Variants in TCF4 observed in about 807,000 individuals in gnomAD.
TCF4 encodes SL3-3 enhancer factor 2.
TCF4 carries 3 observed loss-of-function variants against 82.1 expected under a neutral mutation model. The observed-to-expected ratio is 0.04, with a 90% CI of 0.02 to 0.09. The LOEUF is 0.09. Among genes scored for constraint, TCF4 ranks in the 10% least tolerant of loss-of-function variants. TCF4 has a pLI of 1.00. For synonymous variants in TCF4, 276 were observed against 309.6 expected, an observed-to-expected ratio of 0.89 and a Z score of 1.14; for missense variants, 518 against 852.7, an observed-to-expected ratio of 0.61 and a Z score of 4.89.
At chr18:55,486,111 A>G (rs549496800) in intron 3 of TCF4, among the ~76,000 whole-genome samples, 7 of 152,352 alleles carry the variant, frequency 4.6e-5, no homozygotes, top group South Asian at 2.1e-4. Context: ...ACCTCTTCAA[A>G]TAAATTATGA....
At chr18:55,269,771 C>T (rs2059957809) in intron 11 of TCF4, 60 bp downstream of exon 11, 2 of 1,608,364 alleles carry the variant, frequency 1.2e-6, no homozygotes, top group Non-Finnish European at 8.5e-7. Context: ...AAAAGAGGTC[C>T]TTGATGATTA....
At chr18:55,472,554 T>C (rs940074712) in intron 3 of TCF4, among the ~76,000 whole-genome samples, 4 of 152,160 alleles carry the variant, frequency 2.6e-5, no homozygotes, top group African/African-American at 9.7e-5. Flanking sequence ...ATCCTACAAA[T>C]AAGAGCCATG....
exon 1 of TCF4, chr18:55,635,853 G>T: frequency 6.4e-7 from 1 of 1,566,868 alleles, no homozygotes; most frequent in Admixed American, 1.9e-5. Flanking sequence ...TGAAGGGAAA[G>T]AGGAGAGGCA....
intron 3 of TCF4, among the ~76,000 whole-genome samples, chr18:55,509,334 GACACACACAC>G (rs35790117): frequency 6.7e-6 from 1 of 150,100 alleles, no homozygotes. Context: ...CACACAGACA[GACACACACAC>G]ACACACACAC....
chr18:55,274,116 C>A (rs926897484), intron 10 of TCF4, among the ~76,000 whole-genome samples: 1 of 152,128 alleles, frequency 6.6e-6, no homozygotes, highest in South Asian at 2.1e-4. Flanking sequence ...CAGTTTTGAC[C>A]ATGAGTTCCC....
chr18:55,405,013 G>T (rs538371372), intron 5 of TCF4, among the ~76,000 whole-genome samples: 1 of 152,206 alleles, frequency 6.6e-6, no homozygotes, highest in Non-Finnish European at 1.5e-5. Context: ...AGACACCATC[G>T]CACAGACTGT....
intron 6 of TCF4, among the ~76,000 whole-genome samples, chr18:55,399,880 TCACA>T (rs398041380): frequency 0.016 from 1,026 of 63,220 alleles, 14 homozygotes; most frequent in East Asian, 0.022. Flanking sequence ...TCTCTCTCTC[TCACA>T]CACACACACA....
At chr18:55,482,209 C>T (rs1027710703) in intron 3 of TCF4, 1 of 152,180 alleles carries the variant, frequency 6.6e-6, no homozygotes, top group African/African-American at 2.4e-5. Flanking sequence ...TCATAGGATT[C>T]CAGATCTACT....
chr18:55,367,615 G>A (rs1447513931), intron 6 of TCF4, among the ~76,000 whole-genome samples: 1 of 152,180 alleles, frequency 6.6e-6, no homozygotes, highest in Non-Finnish European at 1.5e-5. Context: ...TCTAAGCACT[G>A]AAGATAACTG....
chr18:55,480,185 G>C lies in TCF4; in HGVS notation c.146-16048C>G, dbSNP rs1011966972. 2.0e-5 allele frequency among the ~76,000 whole-genome samples: 3 copies of C among 149,280 alleles called. No homozygotes were observed. The Admixed American group carries it at 2.0e-4, about 10-fold the overall frequency. On this transcript the variant is annotated intron_variant, in intron 3 of 19. Transcript: ENST00000354452. Reference sequence around the variant, plus strand: ...TGAATGTATCCTCATCTGTAAAATGGGAATGACCGTATTTACCCTCCAGTA... The same window carrying C: ...TGAATGTATCCTCATCTGTAAAATGCGAATGACCGTATTTACCCTCCAGTA...
intron 3 of TCF4, among the ~76,000 whole-genome samples, chr18:55,514,405 GCACACACACACA>G (rs74182104): frequency 3.1e-5 from 4 of 130,286 alleles, no homozygotes; most frequent in East Asian, 2.1e-4. Context: ...ATCTATCCAT[GCACACACACACA>G]CACACACACA....
intron 5 of TCF4, among the ~76,000 whole-genome samples, chr18:55,453,713 T>A (rs2095672983): frequency 6.6e-6 from 1 of 152,080 alleles, no homozygotes; most frequent in African/African-American, 2.4e-5. Flanking sequence ...AGAATGGAAA[T>A]GTCCTCTGAC....
chr18:55,365,156 A>AATATATATAT (rs139574594), intron 6 of TCF4, among the ~76,000 whole-genome samples: 1,497 of 83,326 alleles, frequency 0.018, 14 homozygotes, highest in Non-Finnish European at 0.022. Context: ...CCATCTCCAA[A>AATATATATAT]ATATATATAT....
intron 6 of TCF4, among the ~76,000 whole-genome samples, chr18:55,375,833 C>A (rs748984821): frequency 6.6e-6 from 1 of 151,684 alleles, no homozygotes; most frequent in South Asian, 2.1e-4. Flanking sequence ...TTGACTGAAG[C>A]CACAAAAGAA....
intron 8 of TCF4, among the ~76,000 whole-genome samples, chr18:55,288,160 T>C (rs571062873): frequency 2.6e-5 from 4 of 152,330 alleles, no homozygotes; most frequent in Admixed American, 2.6e-4. Flanking sequence ...ATCATAGCTA[T>C]AGAACATTTG....
intron 3 of TCF4, 63 bp downstream of exon 3, chr18:55,585,217 T>C (rs2097628140): frequency 3.4e-6 from 5 of 1,491,826 alleles, no homozygotes; most frequent in South Asian, 1.1e-5. Context: ...GCCAAAAACA[T>C]ACAATTGAGT....
chr18:55,333,110 A>C (rs2077915455), intron 8 of TCF4, among the ~76,000 whole-genome samples: 1 of 152,240 alleles, frequency 6.6e-6, no homozygotes, highest in African/African-American at 2.4e-5. Flanking sequence ...ATTCTAAAAT[A>C]AGTTATCATT....
intron 6 of TCF4, among the ~76,000 whole-genome samples, chr18:55,365,209 G>GTA (rs1167939578): frequency 1.5e-4 from 19 of 126,782 alleles, no homozygotes; most frequent in African/African-American, 5.7e-4. Context: ...GTGTGTGTGT[G>GTA]TATATATATG....
Position 55,338,013 on chromosome 18 carries a change from TA to T in TCF4, c.549+12345del, listed in dbSNP as rs796348435. 2.5e-4 allele frequency among the ~76,000 whole-genome samples: 37 copies of T among 147,258 alleles called. 1 individual carries two copies. Among genetic ancestry groups the T allele is most frequent in the East Asian group, 3.9e-4 (2 of 5,070 alleles). On this transcript the variant is annotated intron_variant, in intron 8 of 19. Coordinates refer to ENST00000354452, the MANE Select transcript of TCF4 (RefSeq NM_001083962.2). ...TAGGGCACTGAACTCTCACCCATGT[TA>T]AAAAAAAAAATCACCATCAGTCTCG...
Sources: allele counts gnomAD v4.1 joint callset (sites outside exome capture counted in the v4.1 genomes callset), GRCh38; gene constraint gnomAD v4.1.1; transcripts MANE v1.5; gene names NCBI Gene and HGNC (gene_info 2026-07-23, HGNC 2026-07-21).